Variants in MICAL2 observed in about 807,000 individuals in gnomAD.
MICAL2 encodes the protein microtubule associated monooxygenase, calponin and LIM domain containing 2.
A neutral mutation model predicts 127.3 loss-of-function variants in MICAL2; 77 were observed. That is an observed-to-expected ratio of 0.60 (90% confidence interval 0.50 to 0.73). The LOEUF (loss-of-function observed/expected upper bound fraction) is 0.73. Ranked by LOEUF, MICAL2 falls within the 30% of genes least tolerant of loss-of-function variation. MICAL2 has a pLI of 0.00. For synonymous variants in MICAL2, 570 were observed against 551.1 expected (o/e 1.03, Z -0.48); for missense variants, 1,351 against 1,434.4 (o/e 0.94, Z 0.94).
Position 12,213,207 on chromosome 11 carries a change from A to C in MICAL2, c.692-48A>C, listed in dbSNP as rs768571814. The C allele has an allele frequency of 3.9e-6, 6 of 1,550,218 alleles. No homozygotes were observed. In the Admixed American group the frequency reaches 1.2e-4, roughly 30 times the overall value. On this transcript the variant is annotated intron_variant, in intron 6 of 27. Transcript: ENST00000683283. ...CTCCCAATAATCATTTTCAGTTTTC[A>C]CACCAAATCCAGAAGATAGACCCAC...
intron 2 of MICAL2, among the ~76,000 whole-genome samples, chr11:12,282,849 G>A (rs927743797): frequency 6.6e-6 from 1 of 152,174 alleles, no homozygotes; most frequent in Non-Finnish European, 1.5e-5. Flanking sequence ...TCTCGAGGCT[G>A]TTTCTTACAG....
chr11:12,168,590 A>G lies in MICAL2; in HGVS notation c.264+6171A>G, dbSNP rs115797403. Among the ~76,000 whole-genome samples the G allele has an allele frequency of 5.4e-3, 821 of 151,912 alleles. 7 individuals carry two copies. The highest frequency in any genetic ancestry group is 0.019 in the African/African-American group (795 of 41,446). On this transcript the variant is annotated intron_variant, in intron 3 of 27. Coordinates refer to ENST00000683283, the MANE Select transcript of MICAL2 (RefSeq NM_001282663.2). ...TATATTTCTTTAAATATGTATATAT[A>G]AATATATATTTCTGCCCCCATACTT...
chr11:12,306,080 A>G (rs375900805), intron 29 of MICAL2, among the ~76,000 whole-genome samples: 117 of 152,298 alleles, frequency 7.7e-4, no homozygotes, highest in African/African-American at 2.5e-3. Flanking sequence ...ATAATACACA[A>G]AAGAAAAATA....
chr11:12,179,449 A>G (rs910736456), intron 3 of MICAL2, among the ~76,000 whole-genome samples: 3 of 151,724 alleles, frequency 2.0e-5, no homozygotes, highest in East Asian at 3.9e-4. Flanking sequence ...TCCCACCTAA[A>G]CTCCCACTGG....
At chr11:12,186,189 A>G (rs7107567) in intron 3 of MICAL2, among the ~76,000 whole-genome samples, 1,743 of 152,276 alleles carry the variant, frequency 0.011, 28 homozygotes, top group African/African-American at 0.039. Context: ...GGTTTTGGAA[A>G]ACAAACAAGA....
chr11:12,228,188 G>C (rs1187826033), intron 15 of MICAL2, among the ~76,000 whole-genome samples: 1 of 152,176 alleles, frequency 6.6e-6, no homozygotes, highest in Non-Finnish European at 1.5e-5. Context: ...AAATTAGCCA[G>C]GTGTGGTGAC....
In MICAL2 at chr11:12,259,866, C is replaced by T. The variant is rs144667365; in HGVS notation, c.3303C>T (p.Ala1101=). Residue 1101 remains alanine, a synonymous_variant, in exon 26 of 28, where the codon GCC becomes GCT. Transcript: ENST00000683283. ...DTPTESSCAV[A]AIGTLEGSPP... is the part of the protein sequence containing the mutation. Reference sequence around the variant, plus strand: ...CCACCGAAAGTTCTTGCGCAGTGGCCGCCATTGGCACCCTGGAAGGCAGCC... The same window carrying T: ...CCACCGAAAGTTCTTGCGCAGTGGCTGCCATTGGCACCCTGGAAGGCAGCC... 2.9e-5 allele frequency: 46 copies of T among 1,610,008 alleles called. No individual in the cohort carries two copies. Among genetic ancestry groups the T allele is most frequent in the Admixed American group, 2.7e-4 (16 of 59,772 alleles).
chr11:12,196,852 C>T (rs1219391119), intron 3 of MICAL2, among the ~76,000 whole-genome samples: 2 of 152,098 alleles, frequency 1.3e-5, no homozygotes, highest in African/African-American at 4.8e-5. Context: ...CCCCACCAAC[C>T]CCTGACCCTC....
chr11:12,165,675 C>T (rs1205741583), intron 3 of MICAL2, among the ~76,000 whole-genome samples: 1 of 152,246 alleles, frequency 6.6e-6, no homozygotes, highest in Admixed American at 6.5e-5. Flanking sequence ...CTGCCATATG[C>T]TGAGCACCAT....
intron 4 of MICAL2, among the ~76,000 whole-genome samples, chr11:12,206,537 G>T (rs949704668): frequency 6.6e-6 from 1 of 152,136 alleles, no homozygotes; most frequent in Admixed American, 6.5e-5. Context: ...GTGGTTCATG[G>T]CAGGAGGTGG....
At chr11:12,239,002 C>T (rs1859496856) in intron 16 of MICAL2, among the ~76,000 whole-genome samples, 1 of 152,162 alleles carries the variant, frequency 6.6e-6, no homozygotes, top group African/African-American at 2.4e-5. Flanking sequence ...CCTTCATTGG[C>T]CCCCAACCCC....
intron 1 of MICAL2, among the ~76,000 whole-genome samples, chr11:12,133,206 C>G (rs564267928): frequency 2.0e-5 from 3 of 152,314 alleles, no homozygotes; most frequent in Admixed American, 2.0e-4. Context: ...CTCAGACTCC[C>G]AAGTAGCTGG....
Position 12,220,571 on chromosome 11 carries a change from G to A in MICAL2, c.1206+113G>A, listed in dbSNP as rs1013396090. ...CGGGGAGAGGACAGGCTCTCAGCCA[G>A]TTGGCAGGACTCTGCCAAGCCTGTC... On this transcript the variant is annotated intron_variant, in intron 9 of 27. Transcript: ENST00000683283. 1.5e-5 allele frequency: 21 copies of A among 1,431,014 alleles called. No individual in the cohort carries two copies. In the African/African-American group the frequency reaches 3.0e-4, roughly 20 times the overall value. 88.6% of individuals were successfully genotyped at this position (1,431,014 alleles called of 1,614,324 possible). A position where few individuals can be genotyped will look rare whatever the true frequency, so the allele number is the denominator to read the frequency against.
chr11:12,172,011 A>G (rs1223410920), intron 3 of MICAL2, among the ~76,000 whole-genome samples: 2 of 152,198 alleles, frequency 1.3e-5, no homozygotes, highest in African/African-American at 2.4e-5. Context: ...AGTTAAGTCT[A>G]GCCACACATC....
intron 30 of MICAL2, among the ~76,000 whole-genome samples, chr11:12,322,932 T>C (rs1864315568): frequency 6.6e-6 from 1 of 152,186 alleles, no homozygotes; most frequent in African/African-American, 2.4e-5. Context: ...CCCTACAAAG[T>C]AGGCAGTAAA....
chr11:12,258,320 G>A (rs964514095), intron 24 of MICAL2, 148 bp from the exon 25 acceptor site: 1 of 638,064 alleles, frequency 1.6e-6, no homozygotes, highest in African/African-American at 1.8e-5. Context: ...GAAGGTGACA[G>A]AAGCCGTTTC....
intron 3 of MICAL2, among the ~76,000 whole-genome samples, chr11:12,177,391 A>T (rs1187169435): frequency 6.6e-6 from 1 of 152,092 alleles, no homozygotes; most frequent in African/African-American, 2.4e-5. Flanking sequence ...TATATTCTGG[A>T]TACTAACTCT....
intron 29 of MICAL2, among the ~76,000 whole-genome samples, chr11:12,314,803 A>G (rs1024707737): frequency 6.6e-6 from 1 of 151,816 alleles, no homozygotes; most frequent in East Asian, 1.9e-4. Flanking sequence ...TTTAAACTCC[A>G]TTTATCTTCT....
intron 2 of MICAL2, among the ~76,000 whole-genome samples, chr11:12,283,740 AT>A (rs1245192864): frequency 9.2e-5 from 14 of 152,188 alleles, no homozygotes; most frequent in African/African-American, 3.4e-4. Context: ...ATTTTCCACA[AT>A]TTTTAAAAAG....
Sources: gnomAD v4.1 joint callset for allele counts (sites outside exome capture counted in the v4.1 genomes callset) on GRCh38, gnomAD v4.1.1 for gene constraint, MANE v1.5 for transcripts, NCBI Gene and HGNC (gene_info 2026-07-23, HGNC 2026-07-21) for gene names.